Variants in UPRT observed in about 807,000 individuals in gnomAD.
UPRT encodes the protein RP11-311P8.3.
UPRT carries 5 observed loss-of-function variants against 22.6 expected under a neutral mutation model. The ratio of observed to expected loss-of-function variants is 0.22; its 90% CI spans 0.12 to 0.47. UPRT has a LOEUF of 0.47. UPRT is among the 20% of genes least tolerant of loss of function. The pLI is 0.99. For missense variants in UPRT, 181 were observed against 239.9 expected (o/e 0.75, Z 1.62); for synonymous variants, 77 against 87.7 (o/e 0.88, Z 0.68).
rs745976921 is a variant in UPRT, at chrX:75,297,703, A to C, written c.562+150A>C. The C allele has an allele frequency of 7.9e-6, 5 of 632,284 alleles. 1 individual carries two copies. In the East Asian group the frequency reaches 1.8e-4, roughly 22 times the overall value. 52.1% of individuals were successfully genotyped at this position (632,284 alleles called of 1,213,427 possible). A position where few individuals can be genotyped will look rare whatever the true frequency, so the allele number is the denominator to read the frequency against. ...GTTATCTAGCCTCATGGTGCTGTGG[A>C]GTCATGGCCTGTGTGAGGCTAGGTT... On this transcript the variant is annotated intron_variant, in intron 4 of 6. Transcript: ENST00000373383.
chrX:75,254,311 T>A (rs952108050), intron 4 of UPRT, among the ~76,000 whole-genome samples: 11 of 111,295 alleles, frequency 9.9e-5, no homozygotes, highest in Non-Finnish European at 1.9e-4. Flanking sequence ...GGAGAAATAG[T>A]CAATGAAATA....
At chrX:75,172,658 A>G (rs964799562) in intron 4 of UPRT, among the ~76,000 whole-genome samples, 1 of 110,383 alleles carries the variant, frequency 9.1e-6, no homozygotes, top group African/African-American at 3.3e-5. Context: ...TGATGTTTAG[A>G]TGTGTTCGGA....
chrX:75,255,243 A>T (rs1405298260), intron 4 of UPRT, among the ~76,000 whole-genome samples: 1 of 111,621 alleles, frequency 9.0e-6, no homozygotes, highest in Non-Finnish European at 1.9e-5. Context: ...AGAATTTTGT[A>T]TGCAGTGAAA....
At chrX:75,260,079 C>T in intron 4 of UPRT, among the ~76,000 whole-genome samples, 1 of 111,858 alleles carries the variant, frequency 8.9e-6, no homozygotes, top group Non-Finnish European at 1.9e-5. Flanking sequence ...CACCACCAGG[C>T]CTGCCTTACA....
intron 4 of UPRT, among the ~76,000 whole-genome samples, chrX:75,184,677 T>C (rs1208011580): frequency 9.2e-6 from 1 of 108,481 alleles, no homozygotes; most frequent in Non-Finnish European, 1.9e-5. Flanking sequence ...TTCTTCCATT[T>C]GTTTGTGTCC....
chrX:75,249,382 A>G (rs978129892), intron 4 of UPRT, among the ~76,000 whole-genome samples: 5 of 111,767 alleles, frequency 4.5e-5, no homozygotes, highest in Non-Finnish European at 9.4e-5. Context: ...AGCAAATGGA[A>G]AACAAAAAAA....
At chrX:75,261,928 G>T (rs1275196407) in intron 4 of UPRT, among the ~76,000 whole-genome samples, 1 of 110,659 alleles carries the variant, frequency 9.0e-6, no homozygotes, top group Non-Finnish European at 1.9e-5. Flanking sequence ...CAGGAAATAT[G>T]GAGAACACCA....
At chrX:75,164,804 T>A (rs2082208765) in intron 3 of UPRT, among the ~76,000 whole-genome samples, 1 of 111,685 alleles carries the variant, frequency 9.0e-6, no homozygotes, top group East Asian at 2.8e-4. Context: ...AATCATGTTG[T>A]ATTACTTGCC....
At chrX:75,239,850 A>G (rs1364591706) in intron 4 of UPRT, among the ~76,000 whole-genome samples, 2 of 111,404 alleles carry the variant, frequency 1.8e-5, no homozygotes, top group Non-Finnish European at 3.8e-5. Context: ...AGCAAAAATC[A>G]TACCATCTCG....
intron 4 of UPRT, among the ~76,000 whole-genome samples, chrX:75,206,695 T>C (rs1018043433): frequency 9.1e-6 from 1 of 110,314 alleles, no homozygotes. Flanking sequence ...GATGGAGTCT[T>C]GCTCTGTTGC....
chrX:75,175,526 A>G lies in UPRT; in HGVS notation c.-447+7647A>G, dbSNP rs1019145627. Among the ~76,000 whole-genome samples the G allele has an allele frequency of 3.6e-5, 4 of 111,774 alleles. No individual in the cohort carries two copies. In the South Asian group the frequency reaches 1.1e-3, roughly 32 times the overall value. ...GGAGGAAGTCAATTTCCTGGCCCTC[A>G]ATAGTTAAACATACCTGGGGCTCAG... On this transcript the variant is annotated intron_variant, in intron 4 of 13. Coordinates refer to the UPRT transcript ENST00000652605.
At chrX:75,163,304 C>G (rs1055014299) in intron 3 of UPRT, among the ~76,000 whole-genome samples, 1 of 111,919 alleles carries the variant, frequency 8.9e-6, no homozygotes, top group Non-Finnish European at 1.9e-5. Context: ...CAAGAAAGGA[C>G]AGGACCCTCT....
chrX:75,264,099 C>A (rs1340698363), intron 4 of UPRT, among the ~76,000 whole-genome samples: 1 of 111,808 alleles, frequency 8.9e-6, no homozygotes, highest in African/African-American at 3.3e-5. Context: ...GTTATAAATT[C>A]TGTTCTTTTA....
At chrX:75,157,957 A>G (rs1175315102) in intron 1 of UPRT, among the ~76,000 whole-genome samples, 3 of 112,468 alleles carry the variant, frequency 2.7e-5, no homozygotes, top group Admixed American at 1.9e-4. Flanking sequence ...GAGAAACTCT[A>G]GACTCTACTA....
intron 4 of UPRT, among the ~76,000 whole-genome samples, chrX:75,254,965 C>G (rs1484206903): frequency 9.1e-6 from 1 of 109,295 alleles, no homozygotes; most frequent in African/African-American, 3.3e-5. Context: ...GTAGTAGAGA[C>G]GGGGTTTCAC....
chrX:75,178,455 G>C (rs945014076), intron 4 of UPRT, among the ~76,000 whole-genome samples: 6 of 112,061 alleles, frequency 5.4e-5, no homozygotes, highest in African/African-American at 1.9e-4. Context: ...TCACCAAAAT[G>C]TGTCCGGAAT....
chrX:75,289,844 C>T (rs1312637285), intron 1 of UPRT, among the ~76,000 whole-genome samples: 1 of 111,701 alleles, frequency 9.0e-6, no homozygotes, highest in East Asian at 2.8e-4. Context: ...CCTCAAACTA[C>T]AAGAATCATA....
At chrX:75,284,040 T>G (rs975080989) in intron 1 of UPRT, among the ~76,000 whole-genome samples, 8 of 111,925 alleles carry the variant, frequency 7.1e-5, no homozygotes, top group African/African-American at 2.3e-4. Flanking sequence ...TTCAAATACC[T>G]TGTCTTCAAG....
Position 75,249,559 on chromosome X carries a change from G to A in UPRT, c.-446-41465G>A, listed in dbSNP as rs750518772. Reference sequence around the variant, plus strand: ...ATACAGGAGCACCCAGATTCATAAAGCAAGTCCTTAGTGACCTACAAAGAG... The same window carrying A: ...ATACAGGAGCACCCAGATTCATAAAACAAGTCCTTAGTGACCTACAAAGAG... On this transcript the variant is annotated intron_variant, in intron 4 of 13. Coordinates refer to the UPRT transcript ENST00000652605. 3.2e-4 allele frequency among the ~76,000 whole-genome samples: 36 copies of A among 111,349 alleles called. No individual in the cohort carries two copies. In the South Asian group the frequency reaches 0.013, roughly 41 times the overall value.
Sources: allele counts gnomAD v4.1 joint callset (sites outside exome capture counted in the v4.1 genomes callset), GRCh38; gene constraint gnomAD v4.1.1; transcripts MANE v1.5; gene names NCBI Gene and HGNC (gene_info 2026-07-23, HGNC 2026-07-21).